OTOG: variants seen among roughly 807,000 people sequenced by gnomAD.
The protein encoded by OTOG is otogelin.
Under a neutral mutation model 313.8 loss-of-function variants are expected in OTOG, and 296 were observed. That is an observed-to-expected ratio of 0.94 (90% confidence interval 0.86 to 1.04). OTOG has a LOEUF of 1.04. Ranked by LOEUF, OTOG falls within the 50% of genes least tolerant of loss-of-function variation. The probability of loss-of-function intolerance (pLI) is 0.00; values close to 1 mark genes in which losing one functional copy is unlikely to be tolerated. For synonymous variants in OTOG, 1,533 were observed against 1,554.9 expected (o/e 0.99, Z 0.33); for missense variants, 3,948 against 3,840.1 (o/e 1.03, Z -0.74).
chr11:17,616,236 G>A (rs1017804441), intron 39 of OTOG, among the ~76,000 whole-genome samples: 5 of 151,896 alleles, frequency 3.3e-5, no homozygotes, highest in East Asian at 1.9e-4. Flanking sequence ...TTTTAATTTT[G>A]TATAGAGATG....
Position 17,611,377 on chromosome 11 carries a change from AG to A in OTOG, c.6079del (p.Ala2027LeufsTer32). The A allele has an allele frequency of 6.5e-7, 1 of 1,542,516 alleles. No homozygotes were observed. The highest frequency in any genetic ancestry group is 8.8e-7 in the Non-Finnish European group (1 of 1,141,188). On this transcript the variant is annotated frameshift_variant, in exon 36 of 56. Transcript: ENST00000399397. LOFTEE classifies it high-confidence loss of function. Reference protein sequence around the residue: ...PALSIVEGLAEALATTTEANT... With the variant: ...PALSIVEGLAXALATTTEANT... ...CTGAGCATCGTAGAGGGTTTGGCGGAGGCTTTGGCAACTACCACTGAGGCCA... is the reference window on the plus strand; with the variant it reads ...CTGAGCATCGTAGAGGGTTTGGCGGAGCTTTGGCAACTACCACTGAGGCCA...
rs749120808 is a variant in OTOG, at chr11:17,641,876, C to T, written c.8220C>T (p.Leu2740=). 132 of 1,550,288 alleles carry T rather than the reference C, an allele frequency of 8.5e-5. 1 individual carries two copies. The highest frequency in any genetic ancestry group is 8.3e-5 in the South Asian group (7 of 84,026). The part of the protein sequence containing the change: ...ANQEYEHPRD[L]AACCGSCRNV... Reference sequence around the variant, plus strand: ...AGGAGTACGAGCACCCGCGGGACCTCGCTGCCTGCTGCGGCTCCTGCAGGA... The same window carrying T: ...AGGAGTACGAGCACCCGCGGGACCTTGCTGCCTGCTGCGGCTCCTGCAGGA... The change falls in exon 52 of 56, where the codon CTC becomes CTT. Residue 2740 remains leucine (L), a synonymous_variant. Transcript: ENST00000399397.
chr11:17,573,685 C>T (rs80229277), intron 19 of OTOG, among the ~76,000 whole-genome samples: 4,867 of 152,278 alleles, frequency 0.032, 259 homozygotes, highest in African/African-American at 0.11. Context: ...ATATCATGAG[C>T]CAGCCCCTAC....
At position 17,612,730 on chromosome 11, in the gene OTOG, A is replaced by G. The variant is rs1190861230; in HGVS notation, c.6403A>G (p.Thr2135Ala). 5.2e-6 allele frequency: 8 copies of G among 1,550,580 alleles called. No homozygotes were observed. The East Asian group carries it at 1.7e-4, about 33-fold the overall frequency. ...CAGCCAGAGCCCAGATGAAATGCTC[A>G]CCGTCCATGTACTGGACTGCAAAAG... ...ILSQSPDEMLTVHVLDCKSAN... is the reference protein window; with the variant it reads ...ILSQSPDEMLAVHVLDCKSAN... The change falls in exon 38 of 56, where the codon ACC becomes GCC. Residue 2135 changes from threonine to alanine, a missense_variant. Thr to Ala is a moderately conservative substitution (Grantham distance 58, BLOSUM62 0). Transcript: ENST00000399397.
intron 18 of OTOG, 122 bp from the exon 19 acceptor site, chr11:17,572,955 TA>T: frequency 1.1e-6 from 1 of 920,462 alleles, no homozygotes; most frequent in Non-Finnish European, 1.6e-6. Flanking sequence ...AGTAGCTGCC[TA>T]CATCCGTACA....
rs567542059 is a variant in OTOG, at chr11:17,568,109, G to A, written c.1645-1047G>A. ...TTTTCAGTGGAGATGGGGTTTCACC[G>A]TGTCAGCCAGGATGGTCTCGATCTC... On this transcript the variant is annotated intron_variant, in intron 15 of 55. Coordinates refer to ENST00000399397, the MANE Select transcript of OTOG (RefSeq NM_001292063.2). Among the ~76,000 whole-genome samples, 443 of 116,348 alleles carry A rather than the reference G, an allele frequency of 3.8e-3. 2 individuals are homozygous for A. Among genetic ancestry groups the A allele is most frequent in the Admixed American group, 6.8e-3 (90 of 13,320 alleles). The allele number at this position is 116,348 out of a possible 152,430, so 76.3% of individuals were successfully genotyped here.
chr11:17,606,683 C>T (rs180749895), intron 33 of OTOG, among the ~76,000 whole-genome samples: 13 of 152,332 alleles, frequency 8.5e-5, no homozygotes, highest in Admixed American at 7.8e-4. Flanking sequence ...TCTGCCTAAA[C>T]CCTGGAGAAG....
intron 40 of OTOG, 41 bp downstream of exon 40, chr11:17,629,357 G>A: frequency 1.3e-6 from 2 of 1,516,094 alleles, no homozygotes; most frequent in Non-Finnish European, 1.8e-6. Context: ...ATGCTTCCCA[G>A]GTCCACCTCT....
intron 42 of OTOG, among the ~76,000 whole-genome samples, chr11:17,632,511 G>A (rs889021137): frequency 6.6e-6 from 1 of 151,826 alleles, no homozygotes; most frequent in African/African-American, 2.4e-5. Context: ...TGCTTTCTTT[G>A]CGTCTCTTCT....
At chr11:17,639,566 A>T in intron 49 of OTOG, 103 bp downstream of exon 49, 1 of 1,243,372 alleles carries the variant, frequency 8.0e-7, no homozygotes, top group Non-Finnish European at 1.1e-6. Context: ...AGTGCAAGGA[A>T]CCCGGGGTTG....
chr11:17,609,116 T>A lies in OTOG; in HGVS notation c.4275-14T>A, dbSNP rs1467094595. Reference sequence around the variant, plus strand: ...TATTTCAGGCCTTTAAACTGCTCCCTGCTCTGTCCTCAGGGTAGAAGGCTG... The same window carrying A: ...TATTTCAGGCCTTTAAACTGCTCCCAGCTCTGTCCTCAGGGTAGAAGGCTG... On this transcript the variant is annotated splice_polypyrimidine_tract_variant and intron_variant, in intron 34 of 55. Transcript: ENST00000399397. The A allele has an allele frequency of 7.7e-6, 12 of 1,549,242 alleles. No individual in the cohort carries two copies. The African/African-American group carries it at 1.5e-4, about 19-fold the overall frequency.
At chr11:17,575,171 T>A (rs1852497127) in intron 20 of OTOG, among the ~76,000 whole-genome samples, 1 of 152,232 alleles carries the variant, frequency 6.6e-6, no homozygotes, top group East Asian at 1.9e-4. Context: ...AGGGGCCCTC[T>A]CTCTCCTCAT....
chr11:17,592,905 A>T (rs1207178148), intron 25 of OTOG, among the ~76,000 whole-genome samples: 1 of 152,264 alleles, frequency 6.6e-6, no homozygotes, highest in East Asian at 1.9e-4. Context: ...TATGTGAGAC[A>T]GTGCCTCTTC....
intron 16 of OTOG, among the ~76,000 whole-genome samples, 159 bp downstream of exon 16, chr11:17,569,447 C>T (rs1852360458): frequency 6.6e-6 from 1 of 152,158 alleles, no homozygotes; most frequent in African/African-American, 2.4e-5. Context: ...AAAATGTGGA[C>T]TCCAAAAATG....
At chr11:17,596,628 G>C (rs1853115655) in intron 29 of OTOG, among the ~76,000 whole-genome samples, 1 of 152,198 alleles carries the variant, frequency 6.6e-6, no homozygotes, top group Admixed American at 6.5e-5. Flanking sequence ...GGATCAAACA[G>C]CCCAGACTAA....
At chr11:17,548,641 A>G (rs879035234) in intron 3 of OTOG, among the ~76,000 whole-genome samples, 1 of 151,882 alleles carries the variant, frequency 6.6e-6, no homozygotes, top group Admixed American at 6.6e-5. Flanking sequence ...TGCAGGCAAG[A>G]CAAAAACTAG....
At position 17,602,262 on chromosome 11, in the gene OTOG, G is replaced by T; in HGVS notation, c.3762G>T (p.Leu1254=). The change falls in exon 32 of 56, where the codon CTG becomes CTT. Residue 1254 remains leucine, a synonymous_variant. Transcript: ENST00000399397. ...QLSSLAAGGA[L]VGMKAVGDDI... ...CCAGCTTGGCAGCCGGTGGTGCTCTGGTGGGCATGAAGGCGGTGGGCGATG... is the reference window on the plus strand; with the variant it reads ...CCAGCTTGGCAGCCGGTGGTGCTCTTGTGGGCATGAAGGCGGTGGGCGATG... 6.4e-7 allele frequency: 1 copy of T among 1,550,588 alleles called. No individual in the cohort carries two copies. The highest frequency in any genetic ancestry group is 8.7e-7 in the Non-Finnish European group (1 of 1,146,968).
chr11:17,631,635 G>A, intron 40 of OTOG, 67 bp from the exon 41 acceptor site: 1 of 1,308,708 alleles, frequency 7.6e-7, no homozygotes, highest in Non-Finnish European at 1.1e-6. Context: ...AATACAAAAA[G>A]TGAGAGCTGA....
At chr11:17,549,929 G>A (rs1851898623) in intron 3 of OTOG, among the ~76,000 whole-genome samples, 1 of 152,176 alleles carries the variant, frequency 6.6e-6, no homozygotes. Context: ...CATGAAGTGG[G>A]GGTGTGCCCC....
Sources: gnomAD v4.1 joint callset for allele counts (sites outside exome capture counted in the v4.1 genomes callset) on GRCh38, gnomAD v4.1.1 for gene constraint, MANE v1.5 for transcripts, NCBI Gene and HGNC (gene_info 2026-07-23, HGNC 2026-07-21) for gene names.